SLC24A2: variants seen among roughly 807,000 people sequenced by gnomAD.
SLC24A2 encodes the protein solute carrier family 24 member 2, also known as sodium/potassium/calcium exchanger 2.
A neutral mutation model predicts 62.0 loss-of-function variants in SLC24A2; 36 were observed. That is an observed-to-expected ratio of 0.58 (90% CI 0.44 to 0.77). The LOEUF (loss-of-function observed/expected upper bound fraction) is 0.77, where lower values mean the gene tolerates loss of function less well. SLC24A2 is among the 30% of genes least tolerant of loss of function. SLC24A2 has a pLI of 0.00. For missense variants in SLC24A2, 846 were observed against 817.9 expected, an observed-to-expected ratio of 1.03 and a Z score of -0.42; for synonymous variants, 358 against 294.0, an observed-to-expected ratio of 1.22 and a Z score of -2.23.
chr9:20,055,405 T>C, the SLC24A2 span, among the ~76,000 whole-genome samples: 1 of 152,222 alleles, frequency 6.6e-6, no homozygotes, highest in Non-Finnish European at 1.5e-5. Context: ...ACAGGCACTG[T>C]CCAAATCATC....
chr9:20,245,095 G>T, the SLC24A2 span, among the ~76,000 whole-genome samples: 16 of 152,270 alleles, frequency 1.1e-4, 1 homozygote, highest in Admixed American at 1.0e-3. Context: ...ATTGAACTGT[G>T]ATTATGCATT....
At chr9:20,024,787 A>T in the SLC24A2 span, among the ~76,000 whole-genome samples, 1 of 152,192 alleles carries the variant, frequency 6.6e-6, no homozygotes, top group African/African-American at 2.4e-5. Flanking sequence ...TCAAGGCCAT[A>T]GAAGAGGACT....
the SLC24A2 span, among the ~76,000 whole-genome samples, chr9:20,110,532 T>C: frequency 6.6e-6 from 1 of 152,124 alleles, no homozygotes; most frequent in African/African-American, 2.4e-5. Context: ...TTTAATCATA[T>C]TACAGTTTTA....
chr9:19,545,006 T>C (rs1834479826), intron 8 of SLC24A2, among the ~76,000 whole-genome samples: 1 of 152,204 alleles, frequency 6.6e-6, no homozygotes, highest in Admixed American at 6.5e-5. Context: ...TCCTGGATGA[T>C]ATCCCGAAAA....
At chr9:19,942,665 T>C in the SLC24A2 span, among the ~76,000 whole-genome samples, 1 of 152,202 alleles carries the variant, frequency 6.6e-6, no homozygotes, top group African/African-American at 2.4e-5. Context: ...AAGATATTTA[T>C]AATCAGATCT....
At chr9:19,974,887 C>A in the SLC24A2 span, among the ~76,000 whole-genome samples, 30 of 152,272 alleles carry the variant, frequency 2.0e-4, no homozygotes, top group African/African-American at 7.0e-4. Flanking sequence ...TCCTCACAGT[C>A]CCGTCAGGGT....
the SLC24A2 span, among the ~76,000 whole-genome samples, chr9:20,058,222 A>G: frequency 5.9e-5 from 9 of 152,180 alleles, no homozygotes; most frequent in African/African-American, 2.2e-4. Flanking sequence ...ATAAAACTTA[A>G]TTGAATAGAA....
At chr9:19,789,731 C>T (rs1226746416), upstream of SLC24A2, among the ~76,000 whole-genome samples, 1 of 152,226 alleles carries the variant, frequency 6.6e-6, no homozygotes, top group East Asian at 1.9e-4. Context: ...GAATCTGGGC[C>T]AAAGAATGGA....
At chr9:20,031,849 G>T in the SLC24A2 span, among the ~76,000 whole-genome samples, 2 of 152,136 alleles carry the variant, frequency 1.3e-5, no homozygotes, top group Admixed American at 6.5e-5. Flanking sequence ...GCTGGTAAAT[G>T]TTTAACAACA....
At chr9:20,128,037 C>G in the SLC24A2 span, among the ~76,000 whole-genome samples, 7 of 151,956 alleles carry the variant, frequency 4.6e-5, no homozygotes, top group Admixed American at 1.3e-4. Context: ...ATTCCTTAAG[C>G]CTTTTGGTTT....
Position 19,510,501 on chromosome 9 carries a change from G to T in SLC24A2, c.*5652C>A, listed in dbSNP as rs1832678198. On this transcript the variant is annotated 3_prime_UTR_variant, in exon 11 of 11. Coordinates refer to ENST00000341998, the MANE Select transcript of SLC24A2 (RefSeq NM_020344.4). ...GGATGGGTTTGGGTTAACTTGGAGG[G>T]AGGCTTTTCTTGATGCTGATGGTTG... is the stretch of plus-strand genomic sequence containing the variant. 6.6e-6 allele frequency: 1 copy of T among 151,786 alleles called. No individual in the cohort carries two copies. The highest frequency in any genetic ancestry group is 2.4e-5 in the African/African-American group (1 of 41,320). The allele number at this position is 151,786 out of a possible 1,614,324, so 9.4% of individuals were successfully genotyped here.
chr9:20,241,245 T>C, the SLC24A2 span, among the ~76,000 whole-genome samples: 4 of 152,354 alleles, frequency 2.6e-5, no homozygotes, highest in South Asian at 2.1e-4. Context: ...CATAGACTTA[T>C]ATGAAAGTTT....
chr9:19,742,081 A>T (rs1821696932), intron 2 of SLC24A2, among the ~76,000 whole-genome samples: 1 of 152,212 alleles, frequency 6.6e-6, no homozygotes, highest in South Asian at 2.1e-4. Flanking sequence ...AAACTGATAC[A>T]GCAATATTTG....
chr9:19,614,480 C>T (rs1817712903), intron 4 of SLC24A2, among the ~76,000 whole-genome samples: 1 of 152,190 alleles, frequency 6.6e-6, no homozygotes, highest in South Asian at 2.1e-4. Context: ...AACCAATAAA[C>T]AATGTATGTC....
upstream of SLC24A2, among the ~76,000 whole-genome samples, chr9:19,790,513 C>T (rs373927478): frequency 3.2e-5 from 4 of 123,506 alleles, no homozygotes; most frequent in Admixed American, 2.0e-4. Flanking sequence ...TGACCAAAGA[C>T]GGGCTAATTT....
the SLC24A2 span, among the ~76,000 whole-genome samples, chr9:19,965,140 A>G: frequency 1.3e-5 from 2 of 152,080 alleles, no homozygotes; most frequent in Non-Finnish European, 1.5e-5. Flanking sequence ...GGAACACAGG[A>G]GTGGAAGAGA....
At chr9:19,676,889 C>T (rs1177939102) in intron 2 of SLC24A2, among the ~76,000 whole-genome samples, 1 of 152,194 alleles carries the variant, frequency 6.6e-6, no homozygotes, top group African/African-American at 2.4e-5. Context: ...GATACCATCT[C>T]ACACCAGTCA....
At chr9:20,144,239 A>G in the SLC24A2 span, among the ~76,000 whole-genome samples, 3 of 152,246 alleles carry the variant, frequency 2.0e-5, no homozygotes, top group East Asian at 5.8e-4. Flanking sequence ...CTTTTCAGCT[A>G]GCACATGTCA....
intron 2 of SLC24A2, among the ~76,000 whole-genome samples, chr9:19,684,486 A>T (rs1356507572): frequency 6.6e-6 from 1 of 151,996 alleles, no homozygotes; most frequent in Non-Finnish European, 1.5e-5. Context: ...GGCTGGGGAG[A>T]GCAGTACCTT....
Sources: gnomAD v4.1 joint callset for allele counts (sites outside exome capture counted in the v4.1 genomes callset) on GRCh38, gnomAD v4.1.1 for gene constraint, MANE v1.5 for transcripts, NCBI Gene and HGNC (gene_info 2026-07-23, HGNC 2026-07-21) for gene names.